The following ALMS1 variants were observed in gnomAD, a reference collection of about 807,000 sequenced individuals.
ALMS1 encodes the protein ALMS1 centrosome and basal body associated protein, also known as centrosome-associated protein ALMS1.
Under a neutral mutation model 352.2 loss-of-function variants are expected in ALMS1, and 271 were observed. The observed-to-expected ratio is 0.77, with a 90% confidence interval of 0.70 to 0.85. ALMS1 has a LOEUF of 0.85. Ranked by LOEUF, ALMS1 falls within the 40% of genes least tolerant of loss-of-function variation. ALMS1 has a pLI of 0.00. For synonymous variants in ALMS1, 1,865 were observed against 1,761.2 expected (o/e 1.06, Z -1.48); for missense variants, 5,445 against 4,870.7 (o/e 1.12, Z -3.51).
At chr2:73,543,187 A>T in intron 12 of ALMS1, among the ~76,000 whole-genome samples, 1 of 152,178 alleles carries the variant, frequency 6.6e-6, no homozygotes, top group Non-Finnish European at 1.5e-5. Context: ...AACGGAACAG[A>T]ACAGAGCCCT....
chr2:73,566,543 T>A (rs549829091), intron 15 of ALMS1, among the ~76,000 whole-genome samples: 1 of 152,362 alleles, frequency 6.6e-6, no homozygotes. Context: ...TCTGGAATTT[T>A]CCATTAAATA....
intron 6 of ALMS1, among the ~76,000 whole-genome samples, chr2:73,428,503 T>A (rs1671439308): frequency 6.6e-6 from 1 of 152,178 alleles, no homozygotes; most frequent in Non-Finnish European, 1.5e-5. Flanking sequence ...AGTAACAACT[T>A]TTAAAGTGTT....
intron 2 of ALMS1, among the ~76,000 whole-genome samples, chr2:73,415,906 A>T (rs911418718): frequency 6.6e-5 from 10 of 152,228 alleles, no homozygotes; most frequent in African/African-American, 2.4e-4. Context: ...AATACAGATA[A>T]GAAAGGAATA....
chr2:73,498,102 A>G (rs1673146952), intron 10 of ALMS1, among the ~76,000 whole-genome samples: 1 of 152,192 alleles, frequency 6.6e-6, no homozygotes, highest in Non-Finnish European at 1.5e-5. Context: ...AAAAAAGTAC[A>G]TACCTTAATT....
At chr2:73,525,599 C>T (rs1031771058) in intron 11 of ALMS1, among the ~76,000 whole-genome samples, 4 of 152,054 alleles carry the variant, frequency 2.6e-5, no homozygotes, top group Non-Finnish European at 5.9e-5. Context: ...TTGTTCAGAT[C>T]TTTTGCCCGT....
At chr2:73,532,460 ATTC>A (rs1673933975) in intron 11 of ALMS1, among the ~76,000 whole-genome samples, 1 of 152,090 alleles carries the variant, frequency 6.6e-6, no homozygotes, top group South Asian at 2.1e-4. Flanking sequence ...AAAAGTTCTT[ATTC>A]TTTCCTCTTT....
chr2:73,530,462 A>G (rs1234072615), intron 11 of ALMS1, among the ~76,000 whole-genome samples: 2 of 152,220 alleles, frequency 1.3e-5, no homozygotes, highest in Non-Finnish European at 2.9e-5. Flanking sequence ...AGCCTTGGGC[A>G]GCTCCACCCC....
chr2:73,478,005 A>G (rs1438965011), intron 9 of ALMS1, among the ~76,000 whole-genome samples: 1 of 152,186 alleles, frequency 6.6e-6, no homozygotes, highest in East Asian at 1.9e-4. Context: ...ATGATACTGA[A>G]TAGAAGAGGT....
At chr2:73,567,143 T>C (rs767867122) in intron 15 of ALMS1, among the ~76,000 whole-genome samples, 7 of 152,216 alleles carry the variant, frequency 4.6e-5, no homozygotes, top group Non-Finnish European at 1.0e-4. Context: ...CTGCAGTCCC[T>C]GTCCCCTCCC....
Position 73,453,936 on chromosome 2 carries a change from ATGG to A in ALMS1, c.7417_7419del (p.Gly2473del). Reference sequence around the variant, plus strand: ...GAAGAGGGTGTGTCAGAGAGTGAGGATGGTGGTGGTAGCAGTGTAGATTCACTG... The same window carrying A: ...GAAGAGGGTGTGTCAGAGAGTGAGGATGGTGGTAGCAGTGTAGATTCACTG... On this transcript the variant is annotated inframe_deletion, in exon 8 of 23. Transcript: ENST00000613296. 6.2e-7 allele frequency: 1 copy of A among 1,614,022 alleles called. No homozygotes were observed. The highest frequency in any genetic ancestry group is 8.5e-7 in the Non-Finnish European group (1 of 1,179,988).
intron 1 of ALMS1, among the ~76,000 whole-genome samples, chr2:73,395,504 T>A (rs982622161): frequency 6.6e-6 from 1 of 152,198 alleles, no homozygotes; most frequent in Non-Finnish European, 1.5e-5. Context: ...GTTTTCAGAA[T>A]TGCACTTTTT....
At chr2:73,492,054 G>C (rs901823407) in intron 10 of ALMS1, among the ~76,000 whole-genome samples, 1 of 152,164 alleles carries the variant, frequency 6.6e-6, no homozygotes, top group Admixed American at 6.5e-5. Flanking sequence ...TGTGCTCCCT[G>C]ATATGATGCC....
At chr2:73,590,129 A>G (rs967960317) in intron 16 of ALMS1, among the ~76,000 whole-genome samples, 2 of 151,622 alleles carry the variant, frequency 1.3e-5, no homozygotes, top group African/African-American at 2.4e-5. Context: ...AGAGTTTTTC[A>G]TATAATTTAC....
intron 1 of ALMS1, among the ~76,000 whole-genome samples, chr2:73,404,953 C>A (rs1422857198): frequency 8.7e-6 from 1 of 115,440 alleles, no homozygotes; most frequent in Non-Finnish European, 1.6e-5. Context: ...ACTTTGTCAC[C>A]CAGGCTGGAG....
At chr2:73,441,585 C>G (rs1558645376) in intron 7 of ALMS1, among the ~76,000 whole-genome samples, 1 of 151,878 alleles carries the variant, frequency 6.6e-6, no homozygotes, top group Non-Finnish European at 1.5e-5. Flanking sequence ...TCTTTCTGCC[C>G]TCCTTTGTTC....
chr2:73,539,251 G>A (rs1372454266), intron 12 of ALMS1, among the ~76,000 whole-genome samples: 3 of 152,196 alleles, frequency 2.0e-5, no homozygotes, highest in African/African-American at 7.2e-5. Context: ...TGCAGCCTCT[G>A]CTGCTGATAC....
intron 15 of ALMS1, among the ~76,000 whole-genome samples, chr2:73,566,217 A>G (rs188285917): frequency 3.3e-4 from 50 of 152,362 alleles, no homozygotes; most frequent in African/African-American, 1.1e-3. Flanking sequence ...TAAATGATAA[A>G]TAAGAAATTT....
chr2:73,601,027 G>T (rs1303119964), intron 18 of ALMS1, 146 bp downstream of exon 18: 3 of 1,397,958 alleles, frequency 2.1e-6, no homozygotes, highest in Non-Finnish European at 2.0e-6. Context: ...GTCCAGCATG[G>T]CAGTTACACA....
intron 9 of ALMS1, among the ~76,000 whole-genome samples, chr2:73,484,190 A>G (rs1392126572): frequency 1.3e-5 from 2 of 151,718 alleles, no homozygotes; most frequent in Non-Finnish European, 2.9e-5. Flanking sequence ...ACATTTTGGC[A>G]TGATTTTGCA....
Sources: allele counts gnomAD v4.1 joint callset (sites outside exome capture counted in the v4.1 genomes callset), GRCh38; gene constraint gnomAD v4.1.1; transcripts MANE v1.5; gene names NCBI Gene and HGNC (gene_info 2026-07-23, HGNC 2026-07-21).